CARD18: variants seen among roughly 807,000 people sequenced by gnomAD.
CARD18 encodes the protein caspase recruitment domain-containing protein 18.
Under a neutral mutation model 7.9 loss-of-function variants are expected in CARD18, and 7 were observed. That is an observed-to-expected ratio of 0.88 (90% CI 0.50 to 1.66). The LOEUF is 1.66. CARD18 is among the 40% of genes most tolerant of loss of function. CARD18 has a pLI of 0.00. For missense variants in CARD18, 134 were observed against 105.5 expected (o/e 1.27, Z -1.18); for synonymous variants, 34 against 34.8 (o/e 0.98, Z 0.08).
rs7114607 is a variant in CARD18 at position 105,138,801 on chromosome 11, T to C, written c.*1+11A>G. Reference sequence around the variant, plus strand: ...CCTATTTGGACATTAGGTTGAATCATTCCACCTTACCTTAGTGCAAACCCA... The same window carrying C: ...CCTATTTGGACATTAGGTTGAATCACTCCACCTTACCTTAGTGCAAACCCA... On this transcript the variant is annotated intron_variant, in intron 2 of 2. Coordinates refer to ENST00000530950, the MANE Select transcript of CARD18 (RefSeq NM_021571.4). The C allele has an allele frequency of 4.0e-3, 6,406 of 1,612,720 alleles. 220 individuals carry two copies. The African/African-American group carries it at 0.074, about 19-fold the overall frequency.
Position 105,138,104 on chromosome 11 carries a change from G to A in CARD18, c.*2-6C>T, listed in dbSNP as rs962332223. On this transcript the variant is annotated splice_region_variant and splice_polypyrimidine_tract_variant and intron_variant, in intron 2 of 2. Transcript: ENST00000530950. Reference sequence around the variant, plus strand: ...TCCAGAGTTCCATCTTCTCTCTGTGGAGGGAGAAAAGTGGTATTGGAATGG... The same window carrying A: ...TCCAGAGTTCCATCTTCTCTCTGTGAAGGGAGAAAAGTGGTATTGGAATGG... 6.6e-6 allele frequency: 1 copy of A among 152,050 alleles called. No homozygotes were observed. Among genetic ancestry groups the A allele is most frequent in the Non-Finnish European group, 1.5e-5 (1 of 68,022 alleles). The allele number at this position is 152,050 out of a possible 1,614,324, so 9.4% of individuals were successfully genotyped here. A position where few individuals can be genotyped will look rare whatever the true frequency, so the allele number is the denominator to read the frequency against.
At chr11:105,138,336 C>T (rs1865431574) in intron 2 of CARD18, among the ~76,000 whole-genome samples, 1 of 152,018 alleles carries the variant, frequency 6.6e-6, no homozygotes, top group South Asian at 2.1e-4. Context: ...ATTTTATATA[C>T]ACACTCAATT....
rs756406825 is a variant in CARD18, at chr11:105,138,911, C to G, written c.175G>C (p.Asp59His). 5 of 1,613,604 alleles carry G rather than the reference C, an allele frequency of 3.1e-6. No individual in the cohort carries two copies. The highest frequency in any genetic ancestry group is 4.2e-6 in the Non-Finnish European group (5 of 1,179,748). The change falls in exon 2 of 3, where the codon GAC becomes CAC. Residue 59 changes from aspartate to histidine, a missense_variant. Transcript: ENST00000530950. The stretch of plus-strand genomic sequence containing the variant: ...TTGGGTCCTTTTCCAGTAACAAGGT[C>G]AATCAAGACTCGAGCCTTATCCATG... ...TVMDKARVLI[D>H]LVTGKGPKSC...
intron 2 of CARD18, 29 bp from the exon 3 acceptor site, chr11:105,138,127 T>C (rs1410175067): frequency 2.6e-5 from 4 of 152,082 alleles, no homozygotes; most frequent in Non-Finnish European, 5.9e-5. Context: ...GGTATTGGAA[T>C]GGGCCAGCTC....
intron 2 of CARD18, 85 bp downstream of exon 2, chr11:105,138,727 A>C (rs1207034037): frequency 1.4e-6 from 2 of 1,445,826 alleles, no homozygotes; most frequent in African/African-American, 2.8e-5. Context: ...CCCTATTATC[A>C]ACTGACAAGA....
At position 105,137,870 on chromosome 11, in the gene CARD18, A is replaced by C. The variant is rs1330605182; in HGVS notation, c.*230T>G. 1.3e-5 allele frequency: 2 copies of C among 152,156 alleles called. No individual in the cohort carries two copies. Among genetic ancestry groups the C allele is most frequent in the African/African-American group, 2.4e-5 (1 of 41,444 alleles). The allele number at this position is 152,156 out of a possible 1,614,324, so 9.4% of individuals were successfully genotyped here. A position where few individuals can be genotyped will look rare whatever the true frequency, so the allele number is the denominator to read the frequency against. On this transcript the variant is annotated 3_prime_UTR_variant, in exon 3 of 3. Coordinates refer to ENST00000530950, the MANE Select transcript of CARD18 (RefSeq NM_021571.4). ...GGACTTTCTTAATTACATTACAATC[A>C]TCATGACCTTCATTATTATTGATGA...
chr11:105,139,758 T>G lies in CARD18; in HGVS notation c.-32A>C. 1.9e-6 allele frequency: 3 copies of G among 1,597,990 alleles called. No individual in the cohort carries two copies. Among genetic ancestry groups the G allele is most frequent in the Non-Finnish European group, 2.5e-6 (3 of 1,178,582 alleles). ...TCACGTTGGCACTTGCAATGTGTGT[T>G]ACACTTGCAATGACAGGCAAGGTAG... On this transcript the variant is annotated 5_prime_UTR_variant, in exon 1 of 3. Transcript: ENST00000530950.
At chr11:105,138,281 T>C (rs1865430872) in intron 2 of CARD18, among the ~76,000 whole-genome samples, 183 bp from the exon 3 acceptor site, 1 of 152,170 alleles carries the variant, frequency 6.6e-6, no homozygotes, top group Non-Finnish European at 1.5e-5. Flanking sequence ...CCAACGAGAA[T>C]CCATATATAA....
At chr11:105,138,737 A>T in intron 2 of CARD18, 75 bp downstream of exon 2, 1 of 1,505,442 alleles carries the variant, frequency 6.6e-7, no homozygotes, top group Non-Finnish European at 9.1e-7. Context: ...AACTGACAAG[A>T]CAAGTGAAGA....
intron 2 of CARD18, among the ~76,000 whole-genome samples, chr11:105,138,561 C>T (rs1865434314): frequency 6.6e-6 from 1 of 152,008 alleles, no homozygotes; most frequent in Non-Finnish European, 1.5e-5. Context: ...AAATGAACTA[C>T]AGTAATGATC....
At chr11:105,138,664 A>G (rs1865435487) in intron 2 of CARD18, 148 bp downstream of exon 2, 1 of 869,692 alleles carries the variant, frequency 1.1e-6, no homozygotes, top group African/African-American at 1.7e-5. Flanking sequence ...CAGAAGAGAC[A>G]TAAGCTAGAG....
intron 1 of CARD18, 134 bp downstream of exon 1, chr11:105,139,586 C>A: frequency 1.1e-6 from 1 of 911,568 alleles, no homozygotes; most frequent in Non-Finnish European, 1.7e-6. Context: ...TCTTCCCACC[C>A]TGCCTCTCCC....
rs755791583 is a variant in CARD18 at position 105,139,749 on chromosome 11, A to C, written c.-23T>G. ...CATGGCTCCTCACGTTGGCACTTGC[A>C]ATGTGTGTTACACTTGCAATGACAG... is the stretch of plus-strand genomic sequence containing the variant. On this transcript the variant is annotated 5_prime_UTR_variant, in exon 1 of 3. The change creates a new upstream start codon in the 5' untranslated region. Coordinates refer to ENST00000530950, the MANE Select transcript of CARD18 (RefSeq NM_021571.4). 1.9e-6 allele frequency: 3 copies of C among 1,598,874 alleles called. No individual in the cohort carries two copies. Among genetic ancestry groups the C allele is most frequent in the Non-Finnish European group, 1.7e-6 (2 of 1,179,340 alleles).
intron 1 of CARD18, chr11:105,139,298 T>C (rs1451981058): frequency 3.5e-6 from 2 of 569,358 alleles, no homozygotes; most frequent in Non-Finnish European, 6.1e-6. Context: ...TCATGATTTT[T>C]CTGTGAATCT....
intron 1 of CARD18, chr11:105,139,443 C>T: frequency 3.6e-6 from 2 of 550,590 alleles, no homozygotes; most frequent in Admixed American, 3.3e-5. Context: ...CCATCCTGTG[C>T]CCATTCTCAT....
rs367709884 is a variant in CARD18, at chr11:105,139,091, C to T, written c.8-13G>A. The T allele has an allele frequency of 5.5e-5, 89 of 1,605,186 alleles. 1 individual carries two copies. In the African/African-American group the frequency reaches 9.1e-4, roughly 16 times the overall value. On this transcript the variant is annotated splice_polypyrimidine_tract_variant and intron_variant, in intron 1 of 2. Transcript: ENST00000530950. ...CGCAAGAGTTGGTCTGTTGGAAGCA[C>T]AAAGATTCCTCAAATAATGAACATG...
chr11:105,138,337 ACACT>A (rs1182523965), intron 2 of CARD18, among the ~76,000 whole-genome samples: 2 of 152,188 alleles, frequency 1.3e-5, no homozygotes, highest in Non-Finnish European at 2.9e-5. Flanking sequence ...TTTTATATAC[ACACT>A]CAATTTATTC....
intron 2 of CARD18, 111 bp downstream of exon 2, chr11:105,138,701 G>T: frequency 6.5e-6 from 8 of 1,228,324 alleles, no homozygotes; most frequent in Non-Finnish European, 8.1e-6. Context: ...GGAGTCTGAG[G>T]CTAAAATGAT....
intron 2 of CARD18, among the ~76,000 whole-genome samples, 199 bp downstream of exon 2, chr11:105,138,613 G>A (rs1283192653): frequency 6.6e-6 from 1 of 152,064 alleles, no homozygotes; most frequent in Non-Finnish European, 1.5e-5. Context: ...GGTCAGCAGG[G>A]AGTACTGAGA....
Sources: allele counts gnomAD v4.1 joint callset (sites outside exome capture counted in the v4.1 genomes callset), GRCh38; gene constraint gnomAD v4.1.1; transcripts MANE v1.5; gene names NCBI Gene and HGNC (gene_info 2026-07-23, HGNC 2026-07-21).